Variants in ABHD10 observed in about 807,000 individuals in gnomAD.
The protein encoded by ABHD10 is abhydrolase domain containing 10, depalmitoylase, also known as palmitoyl-protein thioesterase ABHD10, mitochondrial.
Under a neutral mutation model 33.1 loss-of-function variants are expected in ABHD10, and 22 were observed. The observed-to-expected ratio is 0.66, with a 90% CI of 0.47 to 0.95. ABHD10 has a LOEUF of 0.95. ABHD10 is among the 40% of genes least tolerant of loss of function. ABHD10 has a pLI of 0.00. For synonymous variants in ABHD10, 146 were observed against 133.9 expected, an observed-to-expected ratio of 1.09 and a Z score of -0.62; for missense variants, 352 against 379.9, an observed-to-expected ratio of 0.93 and a Z score of 0.61.
chr3:111,986,817 A>G (rs989602408), intron 3 of ABHD10, 97 bp from the exon 4 acceptor site: 7 of 873,692 alleles, frequency 8.0e-6, no homozygotes, highest in East Asian at 6.1e-5. Flanking sequence ...AAATGATTCT[A>G]TTTTTACTTT....
chr3:111,985,453 C>A (rs1361538066), intron 2 of ABHD10, among the ~76,000 whole-genome samples: 1 of 152,138 alleles, frequency 6.6e-6, no homozygotes, highest in Non-Finnish European at 1.5e-5. Context: ...ACACTAAGCA[C>A]CTACCACTCG....
At chr3:111,980,735 A>G (rs1051907113) in intron 1 of ABHD10, among the ~76,000 whole-genome samples, 8 of 152,230 alleles carry the variant, frequency 5.3e-5, no homozygotes, top group Non-Finnish European at 1.0e-4. Flanking sequence ...AGAAAGCCAA[A>G]CCAACAAAAC....
rs762734206 is a variant in ABHD10, at chr3:111,986,943, G to A, written c.468G>A (p.Trp156Ter). ...QILVGSSLGG[W>*]LMLHAAIARP... The stretch of plus-strand genomic sequence containing the variant: ...TTGTTGGATCTAGCCTTGGAGGGTG[G>A]CTTATGCTTCATGCTGCAATTGCAC... The change falls in exon 4 of 5, where the codon TGG becomes TGA. Residue 156 changes from tryptophan to a stop codon, truncating the protein, a stop_gained. Coordinates refer to ENST00000273359, the MANE Select transcript of ABHD10 (RefSeq NM_018394.4). LOFTEE classifies it high-confidence loss of function. 2.5e-6 allele frequency: 4 copies of A among 1,611,008 alleles called. No homozygotes were observed. The South Asian group carries it at 4.4e-5, about 18-fold the overall frequency.
Position 111,992,800 on chromosome 3 carries a change from A to G in ABHD10, c.*1079A>G, listed in dbSNP as rs562262435. 6.6e-6 allele frequency: 1 copy of G among 152,352 alleles called. No homozygotes were observed. The highest frequency in any genetic ancestry group is 1.9e-4 in the East Asian group (1 of 5,192). 9.4% of individuals were successfully genotyped at this position (152,352 alleles called of 1,614,324 possible). ...GACTCATTAATGAGGAAACCAGCAGATAGTAAACCTGGTTCAAAGTACAAT... is the reference window on the plus strand; with the variant it reads ...GACTCATTAATGAGGAAACCAGCAGGTAGTAAACCTGGTTCAAAGTACAAT... On this transcript the variant is annotated 3_prime_UTR_variant, in exon 5 of 5. Transcript: ENST00000273359.
At chr3:111,980,295 T>C (rs1300440162) in intron 1 of ABHD10, among the ~76,000 whole-genome samples, 1 of 152,148 alleles carries the variant, frequency 6.6e-6, no homozygotes, top group African/African-American at 2.4e-5. Flanking sequence ...TTACCAAAAG[T>C]TTTAAATTTG....
At position 111,979,095 on chromosome 3, in the gene ABHD10, T is replaced by G. The variant is rs900973457; in HGVS notation, c.34T>G (p.Trp12Gly). The G allele has an allele frequency of 5.0e-6, 8 of 1,613,276 alleles. No homozygotes were observed. Among genetic ancestry groups the G allele is most frequent in the Non-Finnish European group, 6.8e-6 (8 of 1,179,822 alleles). ...AVARLAAVAAWVPCRSWGWAA... is the reference protein window; with the variant it reads ...AVARLAAVAAGVPCRSWGWAA... ...TGCGCGCTTGGCAGCTGTGGCGGCC[T>G]GGGTACCTTGTCGGAGCTGGGGCTG... is the stretch of plus-strand genomic sequence containing the variant. The change falls in exon 1 of 5, where the codon TGG becomes GGG. Residue 12 changes from tryptophan to glycine, a missense_variant. Physicochemically the swap from Trp to Gly is radical, Grantham distance 184. Transcript: ENST00000273359.
chr3:111,986,329 G>A lies in ABHD10; in HGVS notation c.392G>A (p.Arg131Lys), dbSNP rs569113678. 6.2e-7 allele frequency: 1 copy of A among 1,614,058 alleles called. No homozygotes were observed. Among genetic ancestry groups the A allele is most frequent in the African/African-American group, 1.3e-5 (1 of 75,050 alleles). ...NSEESTLGKW[R>K]KDVLSIIDDL... ...GAGGAAAGCACACTGGGGAAATGGAGAAAAGATGTTCTTTCTATAATTGAT... is the reference window on the plus strand; with the variant it reads ...GAGGAAAGCACACTGGGGAAATGGAAAAAAGATGTTCTTTCTATAATTGAT... Residue 131 changes from arginine (R) to lysine (K), a missense_variant, in exon 3 of 5, where the codon AGA (arginine) becomes AAA (lysine). Arg to Lys is a conservative substitution (Grantham distance 26, BLOSUM62 2). Coordinates refer to ENST00000273359, the MANE Select transcript of ABHD10 (RefSeq NM_018394.4).
chr3:111,985,606 G>A (rs189724363), intron 2 of ABHD10, among the ~76,000 whole-genome samples: 20 of 152,056 alleles, frequency 1.3e-4, no homozygotes, highest in African/African-American at 4.3e-4. Flanking sequence ...ATGAAGCAGA[G>A]TAAAGAATTA....
intron 4 of ABHD10, among the ~76,000 whole-genome samples, chr3:111,987,366 T>C (rs2072681053): frequency 6.6e-6 from 1 of 152,244 alleles, no homozygotes; most frequent in Non-Finnish European, 1.5e-5. Flanking sequence ...ATTTACTTAT[T>C]TGAATCATAC....
chr3:111,989,134 C>A (rs2072709897), intron 4 of ABHD10, among the ~76,000 whole-genome samples: 1 of 152,216 alleles, frequency 6.6e-6, no homozygotes, highest in Admixed American at 6.5e-5. Flanking sequence ...CTAACAATGT[C>A]AACGGAGCAG....
chr3:111,982,127 C>A (rs2107709583), intron 2 of ABHD10, 160 bp downstream of exon 2: 1 of 601,462 alleles, frequency 1.7e-6, no homozygotes, highest in Non-Finnish European at 2.5e-6. Context: ...TTAAAAGCAA[C>A]CTTTAAAAGA....
At chr3:111,990,739 TA>T in intron 4 of ABHD10, 1 of 1,410,316 alleles carries the variant, frequency 7.1e-7, no homozygotes, top group Non-Finnish European at 9.4e-7. Context: ...ACATTCAGCC[TA>T]AAATTGCATG....
chr3:111,979,056 A>T lies in ABHD10; in HGVS notation c.-6A>T, dbSNP rs761655159. 4 of 1,612,432 alleles carry T rather than the reference A, an allele frequency of 2.5e-6. No individual in the cohort carries two copies. The Admixed American group carries it at 6.7e-5, about 27-fold the overall frequency. Reference sequence around the variant, plus strand: ...GACACTGCAGGGTGCGGGGACAACTACGAAGATGGCGGTTGCGCGCTTGGC... The same window carrying T: ...GACACTGCAGGGTGCGGGGACAACTTCGAAGATGGCGGTTGCGCGCTTGGC... On this transcript the variant is annotated 5_prime_UTR_variant, in exon 1 of 5. Coordinates refer to ENST00000273359, the MANE Select transcript of ABHD10 (RefSeq NM_018394.4).
In ABHD10 at chr3:111,989,805, GT is replaced by G. The variant is rs138445944; in HGVS notation, c.577-1562del. 4.2e-4 allele frequency among the ~76,000 whole-genome samples: 63 copies of G among 148,522 alleles called. 1 individual carries two copies. The highest frequency in any genetic ancestry group is 1.2e-3 in the African/African-American group (47 of 40,690). On this transcript the variant is annotated intron_variant, in intron 4 of 4. Transcript: ENST00000273359. ...ATTTGGAGACATATTTAGAAGTACAGTTTTTTTTTTACTGAATTATTAAGTC... is the reference window on the plus strand; with the variant it reads ...ATTTGGAGACATATTTAGAAGTACAGTTTTTTTTTACTGAATTATTAAGTC...
intron 2 of ABHD10, among the ~76,000 whole-genome samples, chr3:111,984,680 G>T (rs1424701562): frequency 1.3e-5 from 2 of 152,150 alleles, no homozygotes; most frequent in Non-Finnish European, 2.9e-5. Context: ...TGTTTATGTT[G>T]TATATCACAG....
chr3:111,986,417 G>A (rs370128655), intron 3 of ABHD10, 42 bp downstream of exon 3: 110 of 1,248,176 alleles, frequency 8.8e-5, no homozygotes, highest in African/African-American at 1.2e-4. Context: ...CTGTAACCTC[G>A]TATTTAAGCT....
At chr3:111,979,841 T>C (rs1432019769) in intron 1 of ABHD10, among the ~76,000 whole-genome samples, 1 of 152,260 alleles carries the variant, frequency 6.6e-6, no homozygotes, top group Non-Finnish European at 1.5e-5. Flanking sequence ...AGCTGTCAGA[T>C]GATGCATGGT....
chr3:111,979,369 G>A (rs2072549129), intron 1 of ABHD10, among the ~76,000 whole-genome samples, 166 bp downstream of exon 1: 1 of 152,228 alleles, frequency 6.6e-6, no homozygotes, highest in African/African-American at 2.4e-5. Flanking sequence ...TGAAGGCTGT[G>A]AGGAGAGCTC....
At chr3:111,988,608 G>A (rs769308515) in intron 4 of ABHD10, among the ~76,000 whole-genome samples, 6 of 151,590 alleles carry the variant, frequency 4.0e-5, no homozygotes, top group Non-Finnish European at 8.8e-5. Context: ...TATTTGGGGG[G>A]GTTTTTAGGG....
Sources: allele counts gnomAD v4.1 joint callset (sites outside exome capture counted in the v4.1 genomes callset), GRCh38; gene constraint gnomAD v4.1.1; transcripts MANE v1.5; gene names NCBI Gene and HGNC (gene_info 2026-07-23, HGNC 2026-07-21).